CEP162: variants seen among roughly 807,000 people sequenced by gnomAD.
CEP162 encodes centrosomal protein 162.
Under a neutral mutation model 169.2 loss-of-function variants are expected in CEP162, and 141 were observed. The ratio of observed to expected loss-of-function variants is 0.83; its 90% CI spans 0.73 to 0.96. The LOEUF (loss-of-function observed/expected upper bound fraction) is 0.96, where lower values mean the gene tolerates loss of function less well. Ranked by LOEUF, CEP162 falls within the 40% of genes least tolerant of loss-of-function variation. CEP162 has a pLI of 0.00. For synonymous variants in CEP162, 540 were observed against 526.4 expected (o/e 1.03, Z -0.35); for missense variants, 1,600 against 1,587.2 (o/e 1.01, Z -0.14).
At chr6:84,196,651 C>A (rs912887482) in intron 9 of CEP162, among the ~76,000 whole-genome samples, 2 of 152,132 alleles carry the variant, frequency 1.3e-5, no homozygotes, top group Non-Finnish European at 2.9e-5. Context: ...CTAATCTCTT[C>A]TCTTCATACC....
intron 8 of CEP162, among the ~76,000 whole-genome samples, chr6:84,201,379 T>C (rs1036956094): frequency 6.6e-6 from 1 of 152,178 alleles, no homozygotes; most frequent in Non-Finnish European, 1.5e-5. Context: ...TATATATGTA[T>C]ATATGTTACA....
intron 5 of CEP162, among the ~76,000 whole-genome samples, chr6:84,213,884 G>A (rs962943421): frequency 2.6e-4 from 39 of 152,336 alleles, no homozygotes; most frequent in African/African-American, 9.1e-4. Context: ...CATTCTTGCT[G>A]AATATGCCAA....
intron 7 of CEP162, among the ~76,000 whole-genome samples, chr6:84,203,595 C>T (rs150733443): frequency 6.6e-6 from 1 of 152,196 alleles, no homozygotes; most frequent in East Asian, 1.9e-4. Context: ...CAGGCATGTG[C>T]CACCATACTT....
chr6:84,152,396 C>A, intron 23 of CEP162, 149 bp downstream of exon 23: 1 of 457,206 alleles, frequency 2.2e-6, no homozygotes, highest in South Asian at 5.1e-5. Context: ...GAAACAGACA[C>A]ATGCTCAGCA....
rs369907258 is a variant in CEP162, at chr6:84,204,091, A to G, written c.577T>C (p.Tyr193His). ...ESKHEELAEN[Y>H]SDDFEDEYVG... ...TACTCATCTTCAAAATCATCACTGTAATTTTCTGAAGAAAGTAATTTTTAA... is the reference window on the plus strand; with the variant it reads ...TACTCATCTTCAAAATCATCACTGTGATTTTCTGAAGAAAGTAATTTTTAA... The change falls in exon 7 of 27, where the codon TAC (tyrosine) becomes CAC (histidine). Residue 193 changes from tyrosine (Y) to histidine (H), a missense_variant. Tyr to His is a moderately conservative substitution (Grantham distance 83). Coordinates refer to ENST00000403245, the MANE Select transcript of CEP162 (RefSeq NM_014895.4). 6.3e-6 allele frequency: 10 copies of G among 1,576,074 alleles called. No homozygotes were observed. Among genetic ancestry groups the G allele is most frequent in the African/African-American group, 1.4e-5 (1 of 73,350 alleles).
chr6:84,212,663 A>G (rs1043468126), intron 6 of CEP162, among the ~76,000 whole-genome samples: 5 of 152,138 alleles, frequency 3.3e-5, no homozygotes, highest in African/African-American at 7.2e-5. Flanking sequence ...GTAAACAACT[A>G]TATCAATAAA....
Position 84,155,214 on chromosome 6 carries a change from C to G in CEP162, c.2994+84G>C, listed in dbSNP as rs57481317. On this transcript the variant is annotated intron_variant, in intron 22 of 26. Transcript: ENST00000403245. ...GTTTCATGGGAAAGAATGTTTATAGCTATTTGTTAAAGTGAGATCCTAAGA... is the reference window on the plus strand; with the variant it reads ...GTTTCATGGGAAAGAATGTTTATAGGTATTTGTTAAAGTGAGATCCTAAGA... The G allele has an allele frequency of 1.4e-3, 1,437 of 1,016,846 alleles. 9 individuals carry two copies. In the African/African-American group the frequency reaches 0.021, roughly 15 times the overall value. 63.0% of individuals were successfully genotyped at this position (1,016,846 alleles called of 1,614,324 possible).
At chr6:84,159,519 TTATTTATATATATA>T (rs2099524612) in intron 21 of CEP162, among the ~76,000 whole-genome samples, 1 of 104,360 alleles carries the variant, frequency 9.6e-6, no homozygotes, top group South Asian at 3.4e-4. Flanking sequence ...TTAAAATTAA[TTATTTATATATATA>T]TATATATATA....
chr6:84,159,547 ATTTTTTTTTTTTTTTTTTTT>A (rs1166267578), intron 21 of CEP162, among the ~76,000 whole-genome samples: 1 of 31,940 alleles, frequency 3.1e-5, no homozygotes, highest in Non-Finnish European at 5.1e-5. Context: ...ATATATATAT[ATTTTTTTTTTTTTTTTTTTT>A]TTTTTTTTTT....
chr6:84,152,776 T>C lies in CEP162; in HGVS notation c.3398A>G (p.Lys1133Arg), dbSNP rs748086370. 4.3e-6 allele frequency: 7 copies of C among 1,613,536 alleles called. No individual in the cohort carries two copies. The highest frequency in any genetic ancestry group is 5.9e-6 in the Non-Finnish European group (7 of 1,179,716). The change falls in exon 23 of 27, where the codon AAA (lysine) becomes AGA (arginine). Residue 1133 changes from lysine to arginine, a missense_variant. Coordinates refer to ENST00000403245, the MANE Select transcript of CEP162 (RefSeq NM_014895.4). ...NSKGREEMSA[K>R]RAKKDVLHSS... Reference sequence around the variant, plus strand: ...GTGCAAAACATCTTTCTTTGCCCTTTTGGCAGACATTTCCTCTCTGCCCTT... The same window carrying C: ...GTGCAAAACATCTTTCTTTGCCCTTCTGGCAGACATTTCCTCTCTGCCCTT...
At chr6:84,205,102 A>G (rs1265607135) in intron 6 of CEP162, among the ~76,000 whole-genome samples, 1 of 152,218 alleles carries the variant, frequency 6.6e-6, no homozygotes, top group Non-Finnish European at 1.5e-5. Context: ...AACCAAAAAA[A>G]GTCCAGGACC....
intron 25 of CEP162, among the ~76,000 whole-genome samples, chr6:84,136,494 A>AT (rs1295302666): frequency 6.6e-6 from 1 of 152,198 alleles, no homozygotes. Context: ...AAATTTAAAC[A>AT]TAAGTTTTGG....
At chr6:84,183,757 AAACAGTTG>A (rs1388727124) in intron 13 of CEP162, among the ~76,000 whole-genome samples, 3 of 152,148 alleles carry the variant, frequency 2.0e-5, no homozygotes, top group Non-Finnish European at 4.4e-5. Flanking sequence ...ACACTTGGTT[AAACAGTTG>A]GTTAAACAAG....
chr6:84,221,791 C>CCTCA (rs1228862808), intron 2 of CEP162, among the ~76,000 whole-genome samples: 3 of 152,128 alleles, frequency 2.0e-5, no homozygotes, highest in Non-Finnish European at 4.4e-5. Flanking sequence ...ACACCACCCA[C>CCTCA]CTCACTCCAC....
At chr6:84,159,391 T>G (rs2476909) in intron 21 of CEP162, among the ~76,000 whole-genome samples, 20,294 of 149,584 alleles carry the variant, frequency 0.14, 3,884 homozygotes, top group African/African-American at 0.43. Flanking sequence ...GCTCCTTTGG[T>G]CTTTTTTCTC....
intron 24 of CEP162, among the ~76,000 whole-genome samples, chr6:84,148,111 C>A (rs2099519730): frequency 6.6e-6 from 1 of 152,074 alleles, no homozygotes. Context: ...CACCCTATTC[C>A]TATGGAGGAT....
intron 25 of CEP162, among the ~76,000 whole-genome samples, chr6:84,138,843 A>G (rs2099515265): frequency 6.6e-6 from 1 of 152,222 alleles, no homozygotes. Context: ...TTATGTTAAC[A>G]AAGTTTTATG....
At position 84,146,497 on chromosome 6, in the gene CEP162, T is replaced by G. The variant is rs575126707; in HGVS notation, c.3870+190A>C. Among the ~76,000 whole-genome samples, 3 of 152,054 alleles carry G rather than the reference T, an allele frequency of 2.0e-5. No individual in the cohort carries two copies. In the South Asian group the frequency reaches 6.2e-4, roughly 32 times the overall value. On this transcript the variant is annotated intron_variant, in intron 25 of 26. Transcript: ENST00000403245. The stretch of plus-strand genomic sequence containing the variant: ...CAACAGCAAATAAAACATAGACAAC[T>G]TAATGACTTAATATCTGAACTTCAC...
intron 24 of CEP162, among the ~76,000 whole-genome samples, chr6:84,147,277 A>G (rs2099519295): frequency 6.6e-6 from 1 of 152,130 alleles, no homozygotes; most frequent in Non-Finnish European, 1.5e-5. Context: ...ATGAGAGCTA[A>G]AAAACTTGAT....
Sources: gnomAD v4.1 joint callset for allele counts (sites outside exome capture counted in the v4.1 genomes callset) on GRCh38, gnomAD v4.1.1 for gene constraint, MANE v1.5 for transcripts, NCBI Gene and HGNC (gene_info 2026-07-23, HGNC 2026-07-21) for gene names.